FOXK2: variants seen among roughly 807,000 people sequenced by gnomAD.
FOXK2 encodes forkhead box K2, also known as forkhead box protein K2.
FOXK2 carries 24 observed loss-of-function variants against 53.3 expected under a neutral mutation model. The ratio of observed to expected loss-of-function variants is 0.45; its 90% CI spans 0.33 to 0.63. The LOEUF (loss-of-function observed/expected upper bound fraction) is 0.63. Ranked by LOEUF, FOXK2 falls within the 30% of genes least tolerant of loss-of-function variation. FOXK2 has a pLI of 0.03. For missense variants in FOXK2, 952 were observed against 910.5 expected, an observed-to-expected ratio of 1.05 and a Z score of -0.59; for synonymous variants, 505 against 407.1, an observed-to-expected ratio of 1.24 and a Z score of -2.89.
chr17:82,585,937 C>A lies in FOXK2; in HGVS notation c.1313C>A (p.Thr438Asn). Reference sequence around the variant, plus strand: ...CTGTCCAGTCAGCCAGTCTTAATCACCGTCCAGCGGCAGCTACCACAGGCC... The same window carrying A: ...CTGTCCAGTCAGCCAGTCTTAATCAACGTCCAGCGGCAGCTACCACAGGCC... ...SPLSSQPVLI[T>N]VQRQLPQAIK... Residue 438 changes from threonine (T) to asparagine (N), a missense_variant, in exon 7 of 9, where the codon ACC becomes AAC. Physicochemically the swap from Thr to Asn is moderately conservative, Grantham distance 65 (BLOSUM62 0). This residue lies in a region of FOXK2 where 551 missense variants were observed against 385.1 expected (regional missense o/e 1.43). Coordinates refer to ENST00000335255, the MANE Select transcript of FOXK2 (RefSeq NM_004514.4). 1.9e-6 allele frequency: 3 copies of A among 1,612,546 alleles called. No homozygotes were observed. The South Asian group carries it at 3.3e-5, about 18-fold the overall frequency.
At chr17:82,598,803 G>C (rs987550434) in intron 8 of FOXK2, 2 of 152,194 alleles carry the variant, frequency 1.3e-5, no homozygotes, top group Non-Finnish European at 2.9e-5. Context: ...TCTCATTCAG[G>C]GTATTGGTGC....
chr17:82,595,680 G>A (rs771881357), intron 8 of FOXK2: 84 of 924,572 alleles, frequency 9.1e-5, no homozygotes, highest in Non-Finnish European at 1.2e-4. Flanking sequence ...AGCTCTAACA[G>A]TGGGGTCGGT....
chr17:82,526,080 C>CTTGTT (rs1396084794), intron 1 of FOXK2, among the ~76,000 whole-genome samples: 2 of 152,088 alleles, frequency 1.3e-5, no homozygotes, highest in African/African-American at 4.8e-5. Context: ...GATTTGAAGA[C>CTTGTT]TTGTTTATTA....
rs1389993419 is a variant in FOXK2, at chr17:82,586,020, C to T, written c.1396C>T (p.Pro466Ser). The part of the protein sequence containing the change: ...TPVTTSTSQP[P>S]VVQTVHVVHQ... The stretch of plus-strand genomic sequence containing the variant: ...AGTGACCACCTCGACCTCCCAGCCA[C>T]CCGTCGTGCAGACGGTTCACGTCGT... Residue 466 changes from proline to serine, a missense_variant, in exon 7 of 9, where the codon CCC becomes TCC. Physicochemically the swap from Pro to Ser is moderately conservative, Grantham distance 74. This residue lies in a region of FOXK2 where 551 missense variants were observed against 385.1 expected (regional missense o/e 1.43). Transcript: ENST00000335255. The T allele has an allele frequency of 6.2e-7, 1 of 1,612,826 alleles. No individual in the cohort carries two copies. The highest frequency in any genetic ancestry group is 8.5e-7 in the Non-Finnish European group (1 of 1,179,990).
intron 6 of FOXK2, among the ~76,000 whole-genome samples, 168 bp from the exon 7 acceptor site, chr17:82,585,736 T>C (rs2045129744): frequency 6.6e-6 from 1 of 152,216 alleles, no homozygotes; most frequent in Non-Finnish European, 1.5e-5. Context: ...CCTTTTAAAA[T>C]ACTACACCTC....
rs542960668 is a variant in FOXK2 at position 82,582,611 on chromosome 17, A to G, written c.910-130A>G. 12 of 702,892 alleles carry G rather than the reference A, an allele frequency of 1.7e-5. No homozygotes were observed. In the South Asian group the frequency reaches 2.3e-4, roughly 13 times the overall value. The allele number at this position is 702,892 out of a possible 1,614,324, so 43.5% of individuals were successfully genotyped here. A position where few individuals can be genotyped will look rare whatever the true frequency, so the allele number is the denominator to read the frequency against. On this transcript the variant is annotated intron_variant, in intron 4 of 8. Transcript: ENST00000335255. ...ATTACTTGTGTGACGCAAAAGAAAA[A>G]AAATTCACTCTTGCAGTCTGCCAGG... is the stretch of plus-strand genomic sequence containing the variant.
intron 1 of FOXK2, among the ~76,000 whole-genome samples, chr17:82,539,865 C>G (rs1052851571): frequency 1.3e-5 from 2 of 151,502 alleles, no homozygotes; most frequent in Non-Finnish European, 2.9e-5. Flanking sequence ...ACTCAAGAGG[C>G]AGAGGCAGGA....
At chr17:82,590,247 C>T (rs761483550) in intron 8 of FOXK2, among the ~76,000 whole-genome samples, 2 of 152,136 alleles carry the variant, frequency 1.3e-5, no homozygotes, top group Non-Finnish European at 2.9e-5. Context: ...AAAACAGTGT[C>T]GGCTACAGCC....
chr17:82,582,508 G>A (rs1209063264), intron 4 of FOXK2, among the ~76,000 whole-genome samples: 4 of 152,144 alleles, frequency 2.6e-5, no homozygotes, highest in Admixed American at 1.3e-4. Context: ...CTCTGTCATC[G>A]TTTATAAGCA....
intron 1 of FOXK2, chr17:82,559,317 T>C (rs2044767695): frequency 2.2e-6 from 1 of 451,106 alleles, no homozygotes; most frequent in Admixed American, 2.4e-5. Flanking sequence ...TCTCTGCTAC[T>C]GGCTGGCGAC....
intron 1 of FOXK2, among the ~76,000 whole-genome samples, chr17:82,551,088 C>T (rs976147361): frequency 6.6e-5 from 10 of 151,900 alleles, no homozygotes; most frequent in South Asian, 2.1e-4. Context: ...GAGGCCGAGG[C>T]GGGCGGATCA....
chr17:82,558,403 G>A (rs974201927), intron 1 of FOXK2, among the ~76,000 whole-genome samples: 2 of 152,216 alleles, frequency 1.3e-5, no homozygotes, highest in Non-Finnish European at 2.9e-5. Flanking sequence ...CCCTGTCCGC[G>A]GAGAGCACTC....
At chr17:82,536,582 AACTCTT>A (rs1266745472) in intron 1 of FOXK2, among the ~76,000 whole-genome samples, 1 of 152,228 alleles carries the variant, frequency 6.6e-6, no homozygotes, top group Admixed American at 6.5e-5. Context: ...GAATGCCAGG[AACTCTT>A]ACAGTCTTTA....
At chr17:82,563,219 A>G (rs2044816220) in intron 1 of FOXK2, 135 bp from the exon 2 acceptor site, 6 of 804,930 alleles carry the variant, frequency 7.5e-6, no homozygotes, top group Admixed American at 3.1e-5. Context: ...GCGACTTATA[A>G]TAACACGGTG....
At chr17:82,536,691 G>T (rs62078101) in intron 1 of FOXK2, among the ~76,000 whole-genome samples, 7,406 of 152,270 alleles carry the variant, frequency 0.049, 206 homozygotes, top group African/African-American at 0.072. Context: ...GCTCGAGGCC[G>T]AGGAGGTCTT....
intron 8 of FOXK2, among the ~76,000 whole-genome samples, chr17:82,591,005 T>A (rs770983770): frequency 6.6e-6 from 1 of 152,194 alleles, no homozygotes; most frequent in Non-Finnish European, 1.5e-5. Context: ...TGCCACCAGC[T>A]GCTGTGGGAC....
intron 1 of FOXK2, among the ~76,000 whole-genome samples, chr17:82,523,282 G>A (rs969333691): frequency 1.3e-5 from 2 of 152,122 alleles, no homozygotes; most frequent in African/African-American, 2.4e-5. Context: ...GGGGATGAGT[G>A]GCTTTTTTCA....
chr17:82,600,889 AG>A, intron 8 of FOXK2: 1 of 165,248 alleles, frequency 6.1e-6, no homozygotes, highest in Non-Finnish European at 1.3e-5. Flanking sequence ...GAGAGCAGCG[AG>A]CGGCAGCCAC....
intron 1 of FOXK2, among the ~76,000 whole-genome samples, chr17:82,545,044 CT>C (rs990548706): frequency 6.6e-6 from 1 of 152,126 alleles, no homozygotes; most frequent in African/African-American, 2.4e-5. Context: ...TCTGTTCTTC[CT>C]TCTTCCCCAT....
Sources: gnomAD v4.1 joint callset for allele counts (sites outside exome capture counted in the v4.1 genomes callset) on GRCh38, gnomAD v4.1.1 for gene constraint, gnomAD v4.1.1 regional missense constraint, MANE v1.5 for transcripts, NCBI Gene and HGNC (gene_info 2026-07-23, HGNC 2026-07-21) for gene names.